SDC2: variants seen among roughly 807,000 people sequenced by gnomAD.
SDC2 encodes the protein syndecan-2.
SDC2 carries 13 observed loss-of-function variants against 22.2 expected under a neutral mutation model. The ratio of observed to expected loss-of-function variants is 0.59; its 90% CI spans 0.38 to 0.93. The LOEUF (loss-of-function observed/expected upper bound fraction) is 0.93, where lower values mean the gene tolerates loss of function less well. Ranked by LOEUF, SDC2 falls within the 40% of genes least tolerant of loss-of-function variation. The probability of loss-of-function intolerance (pLI) is 0.00; values close to 1 mark genes in which losing one functional copy is unlikely to be tolerated. For missense variants in SDC2, 235 were observed against 246.8 expected, an observed-to-expected ratio of 0.95 and a Z score of 0.32; for synonymous variants, 94 against 92.8, an observed-to-expected ratio of 1.01 and a Z score of -0.07.
intron 1 of SDC2, among the ~76,000 whole-genome samples, chr8:96,559,699 A>G (rs904529619): frequency 1.3e-5 from 2 of 152,036 alleles, no homozygotes; most frequent in African/African-American, 2.4e-5. Flanking sequence ...ATAGAGTGCA[A>G]GTAGGTCTTG....
chr8:96,606,642 A>T (rs183133346), intron 3 of SDC2, among the ~76,000 whole-genome samples: 1 of 152,166 alleles, frequency 6.6e-6, no homozygotes, highest in Admixed American at 6.5e-5. Flanking sequence ...ACCAATTGAA[A>T]TGGAACCTCT....
chr8:96,569,885 C>T (rs773099377), intron 1 of SDC2, among the ~76,000 whole-genome samples: 5 of 152,092 alleles, frequency 3.3e-5, no homozygotes, highest in Admixed American at 6.6e-5. Context: ...ATAAGGGGCC[C>T]GGAGGTGTGA....
chr8:96,605,137 A>G (rs1231273928), intron 3 of SDC2, among the ~76,000 whole-genome samples: 2 of 152,156 alleles, frequency 1.3e-5, no homozygotes, highest in Admixed American at 1.3e-4. Flanking sequence ...GACTTTAGGG[A>G]CTCAATCACA....
chr8:96,537,504 AT>A (rs1813773189), intron 1 of SDC2: 1 of 152,222 alleles, frequency 6.6e-6, no homozygotes, highest in Non-Finnish European at 1.5e-5. Flanking sequence ...GCAGTGGAGT[AT>A]TCTTCGATGG....
intron 1 of SDC2, among the ~76,000 whole-genome samples, chr8:96,515,958 A>G (rs1489241032): frequency 6.6e-6 from 1 of 152,210 alleles, no homozygotes; most frequent in South Asian, 2.1e-4. Flanking sequence ...GACTGGCCAA[A>G]GAACCCAGTG....
At chr8:96,600,233 G>A (rs944002211) in intron 2 of SDC2, among the ~76,000 whole-genome samples, 11 of 152,108 alleles carry the variant, frequency 7.2e-5, no homozygotes, top group African/African-American at 1.2e-4. Flanking sequence ...ACATTGATGC[G>A]ATTCTGTGGA....
intron 1 of SDC2, among the ~76,000 whole-genome samples, chr8:96,580,942 C>A (rs1814579038): frequency 6.6e-6 from 1 of 152,132 alleles, no homozygotes; most frequent in South Asian, 2.1e-4. Flanking sequence ...CCACAGGGGC[C>A]TCTGTAGTAT....
intron 1 of SDC2, among the ~76,000 whole-genome samples, chr8:96,591,672 G>A (rs1299691341): frequency 6.6e-6 from 1 of 152,092 alleles, no homozygotes; most frequent in Non-Finnish European, 1.5e-5. Context: ...TATAAGGAGT[G>A]GAGAAGTCAC....
intron 1 of SDC2, among the ~76,000 whole-genome samples, chr8:96,583,753 ATAT>A: frequency 6.6e-6 from 1 of 151,356 alleles, no homozygotes; most frequent in East Asian, 1.9e-4. Flanking sequence ...TATAGTTGTA[ATAT>A]TAGAAAAAAA....
At chr8:96,496,602 AAAAT>A (rs1813080574) in intron 1 of SDC2, among the ~76,000 whole-genome samples, 2 of 152,240 alleles carry the variant, frequency 1.3e-5, no homozygotes, top group Non-Finnish European at 2.9e-5. Flanking sequence ...AATTTAAAAA[AAAAT>A]TAGCAATTAC....
chr8:96,532,731 G>C (rs1399385465), intron 1 of SDC2, among the ~76,000 whole-genome samples: 1 of 152,018 alleles, frequency 6.6e-6, no homozygotes. Context: ...GCAGCCCCTA[G>C]CCCGCACTTA....
intron 1 of SDC2, among the ~76,000 whole-genome samples, chr8:96,581,619 G>A (rs541012241): frequency 1.1e-4 from 16 of 148,616 alleles, no homozygotes; most frequent in Non-Finnish European, 1.9e-4. Flanking sequence ...GCGACAGAGC[G>A]AGACTCTGTC....
intron 1 of SDC2, among the ~76,000 whole-genome samples, chr8:96,530,626 T>C (rs1310061790): frequency 1.3e-5 from 2 of 152,148 alleles, no homozygotes; most frequent in Non-Finnish European, 2.9e-5. Flanking sequence ...AGAGTAAAAC[T>C]CTGTCTAAAA....
At position 96,609,539 on chromosome 8, in the gene SDC2, T is replaced by C. The variant is rs1281752460; in HGVS notation, c.597T>C (p.Phe199=). 5.7e-6 allele frequency: 9 copies of C among 1,588,568 alleles called. No individual in the cohort carries two copies. The highest frequency in any genetic ancestry group is 3.5e-5 in the South Asian group (3 of 86,714). The change falls in exon 5 of 5, where the codon TTT becomes TTC. Residue 199 remains phenylalanine, a synonymous_variant. Transcript: ENST00000302190. ...AAYQKAPTKE[F]YA is the part of the protein sequence containing the mutation. Reference sequence around the variant, plus strand: ...ATCAGAAGGCACCTACTAAGGAGTTTTATGCGTAAAACTCCAACTTAGTGT... The same window carrying C: ...ATCAGAAGGCACCTACTAAGGAGTTCTATGCGTAAAACTCCAACTTAGTGT...
intron 3 of SDC2, among the ~76,000 whole-genome samples, chr8:96,604,680 T>C (rs1439735170): frequency 6.6e-6 from 1 of 152,182 alleles, no homozygotes; most frequent in Non-Finnish European, 1.5e-5. Flanking sequence ...GTGACTAAAA[T>C]GCACAAAAGG....
chr8:96,577,089 C>T (rs1263251077), intron 1 of SDC2, among the ~76,000 whole-genome samples: 1 of 152,160 alleles, frequency 6.6e-6, no homozygotes, highest in Non-Finnish European at 1.5e-5. Flanking sequence ...ATATCTGTTG[C>T]TGGCATCTTG....
chr8:96,569,607 A>G (rs1814357659), intron 1 of SDC2, among the ~76,000 whole-genome samples: 1 of 152,200 alleles, frequency 6.6e-6, no homozygotes, highest in African/African-American at 2.4e-5. Context: ...AATTGTGGAG[A>G]GCCTTGTAAT....
intron 1 of SDC2, among the ~76,000 whole-genome samples, chr8:96,574,037 C>A (rs1348481173): frequency 1.3e-5 from 2 of 150,932 alleles, no homozygotes; most frequent in East Asian, 3.9e-4. Flanking sequence ...GCACCCCCTC[C>A]CCTCCACACC....
chr8:96,518,282 GA>G (rs1813438068), intron 1 of SDC2, among the ~76,000 whole-genome samples: 1 of 151,256 alleles, frequency 6.6e-6, no homozygotes, highest in Admixed American at 6.6e-5. Context: ...GAAAAAAAAA[GA>G]AAAACCCAAG....
Sources: allele counts gnomAD v4.1 joint callset (sites outside exome capture counted in the v4.1 genomes callset), GRCh38; gene constraint gnomAD v4.1.1; transcripts MANE v1.5; gene names NCBI Gene and HGNC (gene_info 2026-07-23, HGNC 2026-07-21).